The following TRHDE variants were observed in gnomAD, a reference collection of about 807,000 sequenced individuals.
TRHDE encodes the protein thyrotropin releasing hormone degrading enzyme, also known as thyrotropin-releasing hormone-degrading ectoenzyme.
Under a neutral mutation model 125.7 loss-of-function variants are expected in TRHDE, and 72 were observed. The observed-to-expected ratio is 0.57, with a 90% CI of 0.47 to 0.70. The LOEUF (loss-of-function observed/expected upper bound fraction) is 0.70. Ranked by LOEUF, TRHDE falls within the 30% of genes least tolerant of loss-of-function variation. TRHDE has a pLI of 0.00. For synonymous variants in TRHDE, 509 were observed against 509.1 expected, an observed-to-expected ratio of 1.00 and a Z score of 0.00; for missense variants, 1,110 against 1,327.1, an observed-to-expected ratio of 0.84 and a Z score of 2.54.
chr12:72,573,587 G>A (rs925629163), intron 10 of TRHDE, among the ~76,000 whole-genome samples: 4 of 151,900 alleles, frequency 2.6e-5, no homozygotes, highest in Non-Finnish European at 4.4e-5. Context: ...AGAATCAATA[G>A]CATAAATTTA....
chr12:72,382,062 C>T (rs1872209822), intron 3 of TRHDE, among the ~76,000 whole-genome samples: 1 of 152,100 alleles, frequency 6.6e-6, no homozygotes, highest in South Asian at 2.1e-4. Flanking sequence ...GTCCCATGCT[C>T]AGAGGTTAAA....
chr12:72,089,113 G>T (rs1176843452), intron 1 of TRHDE, among the ~76,000 whole-genome samples: 1 of 152,104 alleles, frequency 6.6e-6, no homozygotes, highest in East Asian at 1.9e-4. Flanking sequence ...AACACTTGAA[G>T]TCATCTGTAC....
intron 2 of TRHDE, among the ~76,000 whole-genome samples, chr12:72,135,862 AT>A (rs544076259): frequency 8.7e-4 from 128 of 147,228 alleles, no homozygotes; most frequent in East Asian, 1.6e-3. Context: ...ATTCTCTATG[AT>A]TTTTTTTTTT....
At chr12:72,550,651 G>A (rs990396960) in intron 7 of TRHDE, among the ~76,000 whole-genome samples, 1 of 151,786 alleles carries the variant, frequency 6.6e-6, no homozygotes, top group African/African-American at 2.4e-5. Context: ...CCATGTTTGT[G>A]AGCATTTACT....
At chr12:72,244,185 C>T (rs765136642) in intron 2 of TRHDE, among the ~76,000 whole-genome samples, 1 of 152,134 alleles carries the variant, frequency 6.6e-6, no homozygotes, top group Non-Finnish European at 1.5e-5. Context: ...ATGTTACTGA[C>T]CCCCTACCTA....
chr12:72,292,832 T>A (rs1175888891), intron 2 of TRHDE, among the ~76,000 whole-genome samples: 2 of 152,196 alleles, frequency 1.3e-5, no homozygotes, highest in African/African-American at 4.8e-5. Context: ...AAATCAATAT[T>A]GCTGAATAAG....
chr12:72,363,953 C>A (rs1207525468), intron 2 of TRHDE, among the ~76,000 whole-genome samples: 1 of 151,976 alleles, frequency 6.6e-6, no homozygotes, highest in Admixed American at 6.6e-5. Context: ...GTACAAAAAT[C>A]ACAAGCATTG....
chr12:72,297,194 T>C (rs1336436997), intron 2 of TRHDE, among the ~76,000 whole-genome samples: 2 of 152,120 alleles, frequency 1.3e-5, no homozygotes, highest in Non-Finnish European at 2.9e-5. Context: ...AAATATATTA[T>C]TGGAATCATT....
chr12:72,368,212 A>C (rs1871419626), intron 2 of TRHDE, among the ~76,000 whole-genome samples: 1 of 152,162 alleles, frequency 6.6e-6, no homozygotes, highest in South Asian at 2.1e-4. Context: ...TAATGAACAA[A>C]ATCAGAATTT....
intron 15 of TRHDE, among the ~76,000 whole-genome samples, chr12:72,632,983 A>C (rs1286908282): frequency 6.6e-6 from 1 of 151,974 alleles, no homozygotes; most frequent in Non-Finnish European, 1.5e-5. Flanking sequence ...ATATTTTATA[A>C]AGTGATCTTA....
At chr12:72,612,859 T>TTC (rs1467679629) in intron 12 of TRHDE, among the ~76,000 whole-genome samples, 53 of 152,290 alleles carry the variant, frequency 3.5e-4, no homozygotes, top group Non-Finnish European at 2.9e-5. Context: ...TTGACCCTAT[T>TTC]TCTCTACACT....
intron 7 of TRHDE, among the ~76,000 whole-genome samples, chr12:72,550,385 T>C (rs1459960060): frequency 6.6e-6 from 1 of 152,026 alleles, no homozygotes; most frequent in Non-Finnish European, 1.5e-5. Context: ...GTAACCTACT[T>C]AGCTTCTGCA....
chr12:72,170,036 A>T (rs1025946774), intron 2 of TRHDE, among the ~76,000 whole-genome samples: 1 of 152,216 alleles, frequency 6.6e-6, no homozygotes, highest in Non-Finnish European at 1.5e-5. Flanking sequence ...AAGTGACAAT[A>T]AATAGGAACG....
At chr12:72,277,235 C>A (rs549041463) in intron 1 of TRHDE, among the ~76,000 whole-genome samples, 2 of 152,174 alleles carry the variant, frequency 1.3e-5, no homozygotes, top group East Asian at 3.9e-4. Context: ...AGAATTGGGA[C>A]CATCCTTTTG....
At chr12:72,180,596 C>G (rs977205635) in intron 2 of TRHDE, among the ~76,000 whole-genome samples, 2 of 152,096 alleles carry the variant, frequency 1.3e-5, no homozygotes, top group African/African-American at 4.8e-5. Context: ...GACCTTAGCT[C>G]TCCATTAAAA....
Position 72,562,179 on chromosome 12 carries a change from T to A in TRHDE, c.1803T>A (p.Ile601=). The A allele has an allele frequency of 6.5e-7, 1 of 1,536,332 alleles. No individual in the cohort carries two copies. ...TATTCTTGTAGGATTATTTAACCAT[T>A]CATAAGTATGGTAATGCAGCCAGAA... ...FQRGLQDYLT[I]HKYGNAARND... is the part of the protein sequence containing the mutation. Residue 601 remains isoleucine (I), a synonymous_variant, in exon 8 of 19, where the codon ATT becomes ATA. Transcript: ENST00000261180.
At chr12:72,092,514 C>A (rs977541406) in intron 1 of TRHDE, among the ~76,000 whole-genome samples, 1 of 152,212 alleles carries the variant, frequency 6.6e-6, no homozygotes, top group African/African-American at 2.4e-5. Context: ...TCTGTTGTCT[C>A]CATACGCAGA....
At chr12:72,216,378 A>G (rs1020348646) in intron 2 of TRHDE, among the ~76,000 whole-genome samples, 2 of 152,120 alleles carry the variant, frequency 1.3e-5, no homozygotes, top group African/African-American at 2.4e-5. Flanking sequence ...AGCATTTTAC[A>G]TGTATACTAT....
At chr12:72,472,172 AT>A (rs1164094987) in intron 4 of TRHDE, among the ~76,000 whole-genome samples, 2 of 151,984 alleles carry the variant, frequency 1.3e-5, no homozygotes, top group East Asian at 1.9e-4. Context: ...TTGCTTATTT[AT>A]TTTTTTATCG....
Sources: allele counts gnomAD v4.1 joint callset (sites outside exome capture counted in the v4.1 genomes callset), GRCh38; gene constraint gnomAD v4.1.1; transcripts MANE v1.5; gene names NCBI Gene and HGNC (gene_info 2026-07-23, HGNC 2026-07-21).